VAV2: variants seen among roughly 807,000 people sequenced by gnomAD.
VAV2 encodes guanine nucleotide exchange factor VAV2.
Under a neutral mutation model 132.5 loss-of-function variants are expected in VAV2, and 67 were observed. The observed-to-expected ratio is 0.51, with a 90% confidence interval of 0.42 to 0.62. VAV2 has a LOEUF of 0.62. VAV2 is among the 20% of genes least tolerant of loss of function. VAV2 has a pLI of 0.00. For synonymous variants in VAV2, 492 were observed against 443.5 expected (o/e 1.11, Z -1.37); for missense variants, 938 against 1,153.6 (o/e 0.81, Z 2.71).
At chr9:133,954,390 C>T (rs941471453) in intron 1 of VAV2, among the ~76,000 whole-genome samples, 3 of 152,236 alleles carry the variant, frequency 2.0e-5, no homozygotes, top group African/African-American at 4.8e-5. Context: ...GCGCGTGAGA[C>T]GCCCAACAGG....
chr9:133,822,265 T>C (rs1408985387), intron 4 of VAV2, among the ~76,000 whole-genome samples: 6 of 152,194 alleles, frequency 3.9e-5, no homozygotes, highest in Non-Finnish European at 8.8e-5. Context: ...TGCGCCGCAC[T>C]GGCCCCGGGC....
intron 3 of VAV2, among the ~76,000 whole-genome samples, chr9:133,847,586 G>T (rs1269106390): frequency 3.9e-5 from 6 of 152,174 alleles, no homozygotes; most frequent in Admixed American, 2.6e-4. Flanking sequence ...ATGCCTAGAT[G>T]AATACTGGGC....
intron 1 of VAV2, among the ~76,000 whole-genome samples, chr9:133,976,351 T>A (rs1167898788): frequency 1.3e-5 from 2 of 152,044 alleles, no homozygotes; most frequent in East Asian, 3.9e-4. Context: ...GGGACCAGCA[T>A]CCTCTGGCCA....
chr9:133,989,536 A>AG (rs1564529585), intron 1 of VAV2, among the ~76,000 whole-genome samples: 1 of 147,838 alleles, frequency 6.8e-6, no homozygotes, highest in African/African-American at 2.5e-5. Context: ...AAAAAAAAAA[A>AG]AAGCTGGGCG....
intron 1 of VAV2, among the ~76,000 whole-genome samples, chr9:133,940,492 C>T (rs1004831854): frequency 1.3e-4 from 20 of 152,242 alleles, no homozygotes; most frequent in Non-Finnish European, 2.5e-4. Context: ...GCCCTGGGAG[C>T]GGAGGGTCCC....
intron 4 of VAV2, among the ~76,000 whole-genome samples, chr9:133,820,226 C>T (rs1313742247): frequency 1.3e-5 from 2 of 152,240 alleles, no homozygotes; most frequent in African/African-American, 4.8e-5. Context: ...GCTCTGCTCC[C>T]TAATAGCTCC....
chr9:133,874,424 G>A (rs1012453600), intron 2 of VAV2, among the ~76,000 whole-genome samples: 1 of 152,236 alleles, frequency 6.6e-6, no homozygotes, highest in African/African-American at 2.4e-5. Context: ...GGGTTCCAGT[G>A]TGGGAGGCAT....
intron 2 of VAV2, among the ~76,000 whole-genome samples, chr9:133,872,661 G>T (rs1838104511): frequency 6.6e-6 from 1 of 152,192 alleles, no homozygotes; most frequent in South Asian, 2.1e-4. Context: ...CTGGAAGGGA[G>T]AAGTGGGCCC....
intron 5 of VAV2, 84 bp downstream of exon 5, chr9:133,812,030 C>T: frequency 1.4e-6 from 2 of 1,407,542 alleles, no homozygotes; most frequent in Non-Finnish European, 2.0e-6. Flanking sequence ...GACATGGGGA[C>T]AGCTCGGTAT....
chr9:133,862,111 A>T (rs1351026152), intron 2 of VAV2, among the ~76,000 whole-genome samples: 1 of 152,176 alleles, frequency 6.6e-6, no homozygotes, highest in Non-Finnish European at 1.5e-5. Context: ...GTTTGGTGAG[A>T]AGCAGTAGCC....
At chr9:133,817,363 T>C (rs1013589878) in intron 4 of VAV2, among the ~76,000 whole-genome samples, 1 of 152,244 alleles carries the variant, frequency 6.6e-6, no homozygotes, top group East Asian at 1.9e-4. Flanking sequence ...TTGAAGTGTG[T>C]AACTTCCAGC....
chr9:133,803,038 G>A (rs895079207), intron 9 of VAV2, among the ~76,000 whole-genome samples: 1 of 152,116 alleles, frequency 6.6e-6, no homozygotes, highest in Non-Finnish European at 1.5e-5. Context: ...CCATGACCGG[G>A]GACTCTCCCT....
chr9:133,969,128 T>C lies in VAV2; in HGVS notation c.204+22947A>G, dbSNP rs879573595. On this transcript the variant is annotated intron_variant, in intron 1 of 29. Coordinates refer to ENST00000371850, the MANE Select transcript of VAV2 (RefSeq NM_001134398.2). This position sits in a 1 kb window ranked among gnomAD's most constrained non-coding sequence, Gnocchi z 5.1. ...GAATCCCACATGCCGGGATTCACAC[T>C]TCCCCCGAGAGCTGGATTCCACCGT... 1.3e-5 allele frequency among the ~76,000 whole-genome samples: 2 copies of C among 149,080 alleles called. No homozygotes were observed. The highest frequency in any genetic ancestry group is 1.3e-4 in the Admixed American group (2 of 15,076).
In VAV2 at chr9:133,826,900, C is replaced by T. The variant is rs1417141320; in HGVS notation, c.449+7372G>A. On this transcript the variant is annotated intron_variant, in intron 4 of 29. Transcript: ENST00000371850. This position sits in a 1 kb window ranked among gnomAD's most constrained non-coding sequence, Gnocchi z 4.2. ...GGCAAGGGCAACCCTGCCACAGCGG[C>T]ACCAGTGTCCTCGCAAGACGCACTC... 1.3e-5 allele frequency among the ~76,000 whole-genome samples: 2 copies of T among 152,184 alleles called. No homozygotes were observed. The highest frequency in any genetic ancestry group is 1.5e-5 in the Non-Finnish European group (1 of 68,028).
At chr9:133,775,639 G>A (rs1016477150) in intron 24 of VAV2, among the ~76,000 whole-genome samples, 2 of 152,206 alleles carry the variant, frequency 1.3e-5, no homozygotes, top group Non-Finnish European at 1.5e-5. Flanking sequence ...GGACTTCTGT[G>A]ATTTCAAACA....
At chr9:133,853,880 T>G (rs1239704320) in intron 3 of VAV2, among the ~76,000 whole-genome samples, 2 of 152,160 alleles carry the variant, frequency 1.3e-5, no homozygotes, top group East Asian at 3.9e-4. Context: ...TCTGGGTGCC[T>G]GCTGCTCCCG....
chr9:133,796,467 G>C lies in VAV2; in HGVS notation c.994C>G (p.Pro332Ala), dbSNP rs768549731. 6.2e-7 allele frequency: 1 copy of C among 1,613,798 alleles called. No individual in the cohort carries two copies. The highest frequency in any genetic ancestry group is 8.5e-7 in the Non-Finnish European group (1 of 1,179,958). ...KFKLQDLLVV[P>A]MQRVLKYHLL... ...TGGTATTTGAGCACCCTCTGCATGG[G>C]GACCACCAGCAGGTCTTGCAGCTTA... is the stretch of plus-strand genomic sequence containing the variant. Residue 332 changes from proline (P) to alanine (A), a missense_variant, in exon 11 of 30, where the codon CCC (proline) becomes GCC (alanine). Pro to Ala is a conservative substitution (Grantham distance 27). Transcript: ENST00000371850.
At chr9:133,795,858 G>A (rs944761435) in intron 11 of VAV2, 122 bp from the exon 12 acceptor site, 19 of 1,053,398 alleles carry the variant, frequency 1.8e-5, no homozygotes, top group African/African-American at 3.2e-5. Context: ...ACCCCCACCC[G>A]CCAGCCAGGC....
At chr9:133,904,580 T>G (rs1258817573) in intron 2 of VAV2, among the ~76,000 whole-genome samples, 1 of 152,224 alleles carries the variant, frequency 6.6e-6, no homozygotes, top group East Asian at 1.9e-4. Flanking sequence ...ACCAGGCACG[T>G]GGGCACAGGC....
Sources: allele counts gnomAD v4.1 joint callset (sites outside exome capture counted in the v4.1 genomes callset), GRCh38; gene constraint gnomAD v4.1.1; non-coding constraint Gnocchi (gnomAD v3.1); transcripts MANE v1.5; gene names NCBI Gene and HGNC (gene_info 2026-07-23, HGNC 2026-07-21).